PLEC: variants seen among roughly 807,000 people sequenced by gnomAD.
The protein encoded by PLEC is plectin.
Under a neutral mutation model 392.8 loss-of-function variants are expected in PLEC, and 216 were observed. The ratio of observed to expected loss-of-function variants is 0.55; its 90% CI spans 0.49 to 0.62. The LOEUF (loss-of-function observed/expected upper bound fraction) is 0.62, where lower values mean the gene tolerates loss of function less well. Among genes scored for constraint, PLEC ranks in the 20% least tolerant of loss-of-function variants. The probability of loss-of-function intolerance (pLI) is 0.00; values close to 1 mark genes in which losing one functional copy is unlikely to be tolerated. For synonymous variants in PLEC, 3,621 were observed against 2,980.6 expected (o/e 1.21, Z -7.00); for missense variants, 6,863 against 6,563.4 (o/e 1.05, Z -1.58).
chr8:143,916,288 G>A lies in PLEC; in HGVS notation c.13533C>T (p.Ser4511=), dbSNP rs782669579. 30 of 1,569,342 alleles carry A rather than the reference G, an allele frequency of 1.9e-5. No individual in the cohort carries two copies. Among genetic ancestry groups the A allele is most frequent in the Admixed American group, 1.1e-4 (6 of 53,230 alleles). The change falls in exon 32 of 32, where the codon TCC becomes TCT. Residue 4511 remains serine, a synonymous_variant. Transcript: ENST00000345136. ...SRRGSFDATG[S]GFSMTFSSSS... ...ATGAAGAGAAGGTCATGGAGAAGCC[G>A]GAGCCGGTGGCGTCAAAGCTGCCGC...
upstream of PLEC, among the ~76,000 whole-genome samples, chr8:143,956,962 C>T (rs1554739415): frequency 6.6e-6 from 1 of 152,224 alleles, no homozygotes; most frequent in Admixed American, 6.5e-5. Flanking sequence ...TGGGGACGGG[C>T]CGCAGGCAGC....
chr8:143,925,050 C>G lies in PLEC; in HGVS notation c.4879G>C (p.Ala1627Pro). The change falls in exon 31 of 32, where the codon GCA becomes CCA. Residue 1627 changes from alanine (A) to proline (P), a missense_variant. Transcript: ENST00000345136. ...TGCCAGCGCTCCAGCTCCCGCTCTGCCTCCTCGCGCGCCCGCTCGGCCTCG... is the reference window on the plus strand; with the variant it reads ...TGCCAGCGCTCCAGCTCCCGCTCTGGCTCCTCGCGCGCCCGCTCGGCCTCG... ...QAEAERAREEAERELERWQLK... is the reference protein window; with the variant it reads ...QAEAERAREEPERELERWQLK... 1 of 1,548,324 alleles carries G rather than the reference C, an allele frequency of 6.5e-7. No individual in the cohort carries two copies. Among genetic ancestry groups the G allele is most frequent in the Non-Finnish European group, 8.7e-7 (1 of 1,153,966 alleles).
rs148465219 is a variant in PLEC at position 143,927,037 on chromosome 8, C to G, written c.3885G>C (p.Pro1295=). ...QLVTYKAQLE[P]VASPAKKPKV... ...TGGGCTTCTTGGCCGGGGAGGCCAC[C>G]GGCTCAAGCTGCGCCTTGTACGTCA... The change falls in exon 29 of 32, where the codon CCG becomes CCC. Residue 1295 remains proline, a synonymous_variant. Coordinates refer to ENST00000345136, the MANE Select transcript of PLEC (RefSeq NM_201384.3). 2 of 1,612,344 alleles carry G rather than the reference C, an allele frequency of 1.2e-6. No homozygotes were observed. Among genetic ancestry groups the G allele is most frequent in the African/African-American group, 2.7e-5 (2 of 74,942 alleles).
chr8:143,973,283 C>G lies in PLEC; in HGVS notation c.70+120G>C. On this transcript the variant is annotated intron_variant, in intron 1 of 31. Coordinates refer to the PLEC transcript ENST00000356346. The surrounding 1 kb of genome is among the most constrained non-coding windows in gnomAD (Gnocchi z 5.6). ...AGCCGTTGGGGGCGATCCAGGCGGA[C>G]GAGGCCGGCGGAGTGGCCGCGCTCG... The G allele has an allele frequency of 1.6e-6, 2 of 1,273,316 alleles. No homozygotes were observed. Among genetic ancestry groups the G allele is most frequent in the South Asian group, 1.3e-5 (1 of 75,250 alleles). 78.9% of individuals were successfully genotyped at this position (1,273,316 alleles called of 1,614,324 possible). A position where few individuals can be genotyped will look rare whatever the true frequency, so the allele number is the denominator to read the frequency against.
chr8:143,962,579 A>G (rs1339202018), intron 1 of PLEC, among the ~76,000 whole-genome samples: 1 of 152,250 alleles, frequency 6.6e-6, no homozygotes. Flanking sequence ...GGCACACAGT[A>G]GAAAAAGCCT....
rs1050694087 is a variant in PLEC, at chr8:143,939,553, G to A, written c.-92C>T. ...GGCACACAGGCAGCTGAAGGCTGGC[G>A]GCCCCACGAGACGCTCACTCGGCAC... On this transcript the variant is annotated 5_prime_UTR_variant, in exon 1 of 32. Transcript: ENST00000345136. 39 of 1,534,894 alleles carry A rather than the reference G, an allele frequency of 2.5e-5. No individual in the cohort carries two copies. The African/African-American group carries it at 4.4e-4, about 17-fold the overall frequency.
At position 143,925,348 on chromosome 8, in the gene PLEC, C is replaced by CGCCTCG. The variant is rs782365801; in HGVS notation, c.4575_4580dup (p.Glu1526_Ala1527dup). The CGCCTCG allele has an allele frequency of 9.0e-6, 14 of 1,551,670 alleles. No homozygotes were observed. Among genetic ancestry groups the CGCCTCG allele is most frequent in the Admixed American group, 1.9e-5 (1 of 53,732 alleles). On this transcript the variant is annotated inframe_insertion, in exon 31 of 32. Transcript: ENST00000345136. ...GCAGGGCCCGCTGCTTCTCGCGCGC[C>CGCCTCG]GCCTCGGCCTCGGCCTTCACGCGCG...
intron 1 of PLEC, 110 bp downstream of exon 1, chr8:143,939,240 C>G (rs1047880391): frequency 6.9e-7 from 1 of 1,451,934 alleles, no homozygotes; most frequent in Non-Finnish European, 9.4e-7. Context: ...ACCCCCATCT[C>G]CAAGACCAGC....
chr8:143,917,850 C>T lies in PLEC; in HGVS notation c.11971G>A (p.Val3991Met), dbSNP rs1461405755. 2 of 1,613,202 alleles carry T rather than the reference C, an allele frequency of 1.2e-6. No individual in the cohort carries two copies. The highest frequency in any genetic ancestry group is 1.7e-6 in the Non-Finnish European group (2 of 1,180,034). ...KGLKLTVEEA[V>M]RMGIVGPEFK... is the part of the protein sequence containing the mutation. ...TCGGGGCCCACAATGCCCATACGCA[C>T]AGCCTCCTCCACCGTCAGCTTCAGT... Residue 3991 changes from valine to methionine, a missense_variant, in exon 32 of 32, where the codon GTG becomes ATG. Val to Met is a conservative substitution (Grantham distance 21). Coordinates refer to ENST00000345136, the MANE Select transcript of PLEC (RefSeq NM_201384.3).
Position 143,932,241 on chromosome 8 carries a change from C to T in PLEC, c.1978-7G>A. ...CCAGCTCCCGCATCAGCGCCTGGCA[C>T]CAGAGCAAAGGGTCTCAGGGACGGC... On this transcript the variant is annotated splice_polypyrimidine_tract_variant and splice_region_variant and intron_variant, in intron 16 of 31. Coordinates refer to ENST00000345136, the MANE Select transcript of PLEC (RefSeq NM_201384.3). 6.2e-7 allele frequency: 1 copy of T among 1,612,072 alleles called. No homozygotes were observed. The highest frequency in any genetic ancestry group is 8.5e-7 in the Non-Finnish European group (1 of 1,179,830).
At chr8:143,938,434 A>G (rs782220356) in intron 2 of PLEC, 194 bp from the exon 3 acceptor site, 2 of 1,539,228 alleles carry the variant, frequency 1.3e-6, no homozygotes, top group African/African-American at 2.7e-5. Flanking sequence ...AGAGACCAGG[A>G]AAGACCAGAA....
In PLEC at chr8:143,924,981, C is replaced by T. The variant is rs1554700061; in HGVS notation, c.4948G>A (p.Glu1650Lys). The T allele has an allele frequency of 3.8e-6, 6 of 1,578,058 alleles. No individual in the cohort carries two copies. In the South Asian group the frequency reaches 4.5e-5, roughly 12 times the overall value. Residue 1650 changes from glutamate (E) to lysine (K), a missense_variant, in exon 31 of 32, where the codon GAG (glutamate) becomes AAG (lysine). Glu to Lys is a moderately conservative substitution (Grantham distance 56). Transcript: ENST00000345136. ...EALRLRLQAE[E>K]VAQQKSLAQA... ...GCCAGGCTCTTCTGCTGCGCCACCT[C>T]CTCCGCCTGCAGCCGCAGCCGTAGC...
chr8:143,934,179 T>G, intron 11 of PLEC, 88 bp from the exon 12 acceptor site: 1 of 1,586,006 alleles, frequency 6.3e-7, no homozygotes, highest in Non-Finnish European at 8.6e-7. Flanking sequence ...CGCTCCGGTC[T>G]CCCTGGCTGT....
At chr8:143,953,761 G>A (rs369080046), upstream of PLEC, 19 of 1,612,120 alleles carry the variant, frequency 1.2e-5, no homozygotes, top group Admixed American at 8.3e-5. Context: ...GATGGCTCGC[G>A]AGGGGTCCAT....
intron 1 of PLEC, chr8:143,950,118 C>A (rs539413550): frequency 4.6e-5 from 67 of 1,454,078 alleles, no homozygotes; most frequent in Non-Finnish European, 5.6e-5. Context: ...CAGGCCCAGG[C>A]CCAAGACCCG....
chr8:143,920,176 C>T lies in PLEC; in HGVS notation c.9645G>A (p.Lys3215=). The change falls in exon 32 of 32, where the codon AAG becomes AAA. Residue 3215 remains lysine (K), a synonymous_variant. Coordinates refer to ENST00000345136, the MANE Select transcript of PLEC (RefSeq NM_201384.3). ...TGLSLLPLSE[K]AARARQEELY... is the part of the protein sequence containing the mutation. ...GCTCCTCCTGCCGGGCCCGAGCAGC[C>T]TTTTCTGAGAGCGGCAGCAGGCTCA... 2 of 1,612,218 alleles carry T rather than the reference C, an allele frequency of 1.2e-6. No homozygotes were observed. Among genetic ancestry groups the T allele is most frequent in the Non-Finnish European group, 1.7e-6 (2 of 1,179,948 alleles).
chr8:143,943,755 C>T (rs1830937407), upstream of PLEC: 1 of 1,606,732 alleles, frequency 6.2e-7, no homozygotes. Context: ...CCTCGAGTCC[C>T]TGGCAGCCAC....
At position 143,927,634 on chromosome 8, in the gene PLEC, GC is replaced by G; in HGVS notation, c.3531del (p.Trp1177CysfsTer111). 1 of 1,586,326 alleles carries G rather than the reference GC, an allele frequency of 6.3e-7. No homozygotes were observed. ...HGERDVEVER[W>X]RERVAQLLER... ...TCAAGCAACTGGGCGACCCGCTCCCGCCAGCGCTCCACCTCCACGTCCCGCT... is the reference window on the plus strand; with the variant it reads ...TCAAGCAACTGGGCGACCCGCTCCCGCAGCGCTCCACCTCCACGTCCCGCT... On this transcript the variant is annotated frameshift_variant, in exon 27 of 32. Transcript: ENST00000345136. LOFTEE classifies it high-confidence loss of function.
chr8:143,975,432 G>A, upstream of PLEC: 3 of 1,452,606 alleles, frequency 2.1e-6, no homozygotes, highest in Non-Finnish European at 2.9e-6. This position sits in a 1 kb window ranked among gnomAD's most constrained non-coding sequence, Gnocchi z 9.9. Context: ...GACTCTGCAC[G>A]CCGACCCACC....
Sources: gnomAD v4.1 joint callset for allele counts (sites outside exome capture counted in the v4.1 genomes callset) on GRCh38, gnomAD v4.1.1 for gene constraint, Gnocchi (gnomAD v3.1) non-coding constraint, MANE v1.5 for transcripts, NCBI Gene and HGNC (gene_info 2026-07-23, HGNC 2026-07-21) for gene names.